Variants in WDR49 observed in about 807,000 individuals in gnomAD.
WDR49 encodes the protein WD repeat domain 49.
Under a neutral mutation model 119.5 loss-of-function variants are expected in WDR49, and 107 were observed. The ratio of observed to expected loss-of-function variants is 0.90; its 90% CI spans 0.77 to 1.05. The LOEUF (loss-of-function observed/expected upper bound fraction) is 1.05. Among genes scored for constraint, WDR49 ranks in the 50% least tolerant of loss-of-function variants. The pLI is 0.00. For missense variants in WDR49, 1,240 were observed against 1,220.5 expected, an observed-to-expected ratio of 1.02 and a Z score of -0.24; for synonymous variants, 425 against 418.8, an observed-to-expected ratio of 1.01 and a Z score of -0.18.
chr3:167,484,903 TTGC>T (rs1367960194), intron 18 of WDR49, among the ~76,000 whole-genome samples: 7 of 152,182 alleles, frequency 4.6e-5, no homozygotes, highest in Non-Finnish European at 4.4e-5. Flanking sequence ...CGTATGTTTA[TTGC>T]TGCACTGTTC....
chr3:167,631,522 T>C (rs1717372917), intron 2 of WDR49, among the ~76,000 whole-genome samples: 1 of 152,028 alleles, frequency 6.6e-6, no homozygotes, highest in Non-Finnish European at 1.5e-5. Flanking sequence ...AGTAGGCAAA[T>C]TTGCAAGTAT....
intron 18 of WDR49, among the ~76,000 whole-genome samples, chr3:167,482,776 A>G (rs1750772285): frequency 6.6e-6 from 1 of 152,144 alleles, no homozygotes; most frequent in Non-Finnish European, 1.5e-5. Flanking sequence ...CAGAAGTAAA[A>G]TGGAAACAAT....
intron 2 of WDR49, among the ~76,000 whole-genome samples, chr3:167,638,101 C>T (rs531322307): frequency 4.4e-4 from 67 of 151,534 alleles, no homozygotes; most frequent in Non-Finnish European, 7.2e-4. Flanking sequence ...ATCACATTAA[C>T]TTGTTTTTCC....
chr3:167,571,949 A>G (rs1322830427), intron 8 of WDR49, among the ~76,000 whole-genome samples: 3 of 152,246 alleles, frequency 2.0e-5, no homozygotes, highest in Non-Finnish European at 1.5e-5. Context: ...ACAAAAATAC[A>G]TCAACCTACA....
rs142755774 is a variant in WDR49, at chr3:167,536,712, C to CACAT, written c.1954+157_1954+158insATGT. Reference sequence around the variant, plus strand: ...ATATATATATATATATATACACACACATATATATATATATATATATACACA... The same window carrying CACAT: ...ATATATATATATATATATACACACACACATATATATATATATATATATATACACA... On this transcript the variant is annotated intron_variant, in intron 11 of 18. Transcript: ENST00000682715. Among the ~76,000 whole-genome samples, 179 of 136,890 alleles carry CACAT rather than the reference C, an allele frequency of 1.3e-3. 2 individuals are homozygous for CACAT. The East Asian group carries it at 0.015, about 11-fold the overall frequency. The allele number at this position is 136,890 out of a possible 152,430, so 89.8% of individuals were successfully genotyped here. A position where few individuals can be genotyped will look rare whatever the true frequency, so the allele number is the denominator to read the frequency against.
In WDR49 at chr3:167,521,995, TAGATAGATAGATAG is replaced by T. The variant is rs1225671696; in HGVS notation, c.2774+306_2774+319del. 4.1e-4 allele frequency among the ~76,000 whole-genome samples: 59 copies of T among 144,818 alleles called. No homozygotes were observed. In the East Asian group the frequency reaches 9.7e-3, roughly 24 times the overall value. ...ATAGATAGATAGATAGATAGATAGA[TAGATAGATAGATAG>T]ATAGATAGATTGTTTTTGAAGAAAG... On this transcript the variant is annotated intron_variant, in intron 16 of 18. Coordinates refer to ENST00000682715, the MANE Select transcript of WDR49 (RefSeq NM_001366157.1).
At chr3:167,570,736 C>T (rs1478258029) in intron 8 of WDR49, among the ~76,000 whole-genome samples, 1 of 152,026 alleles carries the variant, frequency 6.6e-6, no homozygotes, top group Admixed American at 6.6e-5. Flanking sequence ...AAACAAAAAG[C>T]TGCAATTAAA....
chr3:167,575,608 C>T lies in WDR49; in HGVS notation c.1509+310G>A, dbSNP rs185878034. On this transcript the variant is annotated intron_variant, in intron 8 of 18. Transcript: ENST00000682715. ...AGAATTTTACAAGCAGGTTCACTTG[C>T]ATTTGGCTCAAGACTAGCAGATAAC... 8.4e-4 allele frequency among the ~76,000 whole-genome samples: 128 copies of T among 152,298 alleles called. No individual in the cohort carries two copies. In the Middle Eastern group the frequency reaches 0.01, roughly 12 times the overall value.
At chr3:167,571,937 T>G (rs561090477) in intron 8 of WDR49, among the ~76,000 whole-genome samples, 2 of 152,352 alleles carry the variant, frequency 1.3e-5, no homozygotes, top group Non-Finnish European at 2.9e-5. Flanking sequence ...ATTATCTATT[T>G]TACAAAAATA....
chr3:167,502,516 A>G (rs1348547133), intron 17 of WDR49, among the ~76,000 whole-genome samples: 2 of 152,218 alleles, frequency 1.3e-5, no homozygotes, highest in Non-Finnish European at 2.9e-5. Context: ...GACTGGTTAA[A>G]TGGTAGTAGC....
intron 8 of WDR49, among the ~76,000 whole-genome samples, chr3:167,572,627 G>A (rs1323128666): frequency 6.6e-6 from 1 of 152,224 alleles, no homozygotes; most frequent in African/African-American, 2.4e-5. Flanking sequence ...GCTCAGAACA[G>A]TGTTAGGAGC....
intron 10 of WDR49, among the ~76,000 whole-genome samples, chr3:167,544,182 G>T (rs1712020112): frequency 6.6e-6 from 1 of 151,794 alleles, no homozygotes; most frequent in African/African-American, 2.4e-5. Flanking sequence ...CAAACAAATG[G>T]AAACACATCC....
At chr3:167,512,161 C>G (rs919853530) in intron 16 of WDR49, among the ~76,000 whole-genome samples, 4 of 152,160 alleles carry the variant, frequency 2.6e-5, no homozygotes, top group African/African-American at 9.7e-5. Flanking sequence ...TAGGTGAGAC[C>G]TCCAAACAGG....
chr3:167,530,924 A>G (rs1265820862), intron 13 of WDR49, among the ~76,000 whole-genome samples, 191 bp downstream of exon 13: 1 of 152,078 alleles, frequency 6.6e-6, no homozygotes, highest in East Asian at 1.9e-4. Flanking sequence ...AGTGGGATGT[A>G]GTCTGGCTCC....
At chr3:167,544,792 T>C (rs900195530) in intron 10 of WDR49, among the ~76,000 whole-genome samples, 5 of 152,046 alleles carry the variant, frequency 3.3e-5, no homozygotes, top group African/African-American at 1.2e-4. Context: ...AAAGAGTTCA[T>C]GACCAAGAAC....
Position 167,627,199 on chromosome 3 carries a change from C to T in WDR49, c.259G>A (p.Gly87Arg). Reference protein sequence around the residue: ...IVGWGTKEEYGELFDKVDVAQ... With the variant: ...IVGWGTKEEYRELFDKVDVAQ... ...ACATCCACTTTGTCAAAGAGCTCCCCATATTCTTCCTTCGTGCCCCAACCA... is the reference window on the plus strand; with the variant it reads ...ACATCCACTTTGTCAAAGAGCTCCCTATATTCTTCCTTCGTGCCCCAACCA... Residue 87 changes from glycine to arginine, a missense_variant, in exon 3 of 19, where the codon GGG becomes AGG. By Grantham distance (125) the Gly-to-Arg change is moderately radical (BLOSUM62 -2). Coordinates refer to ENST00000682715, the MANE Select transcript of WDR49 (RefSeq NM_001366157.1). 8.0e-7 allele frequency: 1 copy of T among 1,254,836 alleles called. No individual in the cohort carries two copies. Among genetic ancestry groups the T allele is most frequent in the Non-Finnish European group, 1.0e-6 (1 of 1,000,808 alleles). The allele number at this position is 1,254,836 out of a possible 1,614,324, so 77.7% of individuals were successfully genotyped here. A position where few individuals can be genotyped will look rare whatever the true frequency, so the allele number is the denominator to read the frequency against.
intron 16 of WDR49, among the ~76,000 whole-genome samples, chr3:167,509,567 C>T (rs909936133): frequency 5.3e-5 from 8 of 152,078 alleles, no homozygotes; most frequent in African/African-American, 1.4e-4. Flanking sequence ...ATTTTTGGTT[C>T]GAAGGCAGGA....
intron 2 of WDR49, among the ~76,000 whole-genome samples, chr3:167,628,395 T>G (rs895868111): frequency 6.6e-6 from 1 of 152,112 alleles, no homozygotes; most frequent in Non-Finnish European, 1.5e-5. Flanking sequence ...GAAAAGTTCT[T>G]GAAGGAAAAG....
At chr3:167,600,552 T>C (rs1260951473) in intron 7 of WDR49, among the ~76,000 whole-genome samples, 1 of 152,178 alleles carries the variant, frequency 6.6e-6, no homozygotes, top group East Asian at 1.9e-4. Flanking sequence ...GGGGAGACCA[T>C]TGGTGGGGCT....
Sources: allele counts gnomAD v4.1 joint callset (sites outside exome capture counted in the v4.1 genomes callset), GRCh38; gene constraint gnomAD v4.1.1; transcripts MANE v1.5; gene names NCBI Gene and HGNC (gene_info 2026-07-23, HGNC 2026-07-21).